The following NOS1 variants were observed in gnomAD, a reference collection of about 807,000 sequenced individuals.
The protein encoded by NOS1 is NOS type I.
A neutral mutation model predicts 164.5 loss-of-function variants in NOS1; 51 were observed. The observed-to-expected ratio is 0.31, with a 90% CI of 0.25 to 0.39. NOS1 has a LOEUF of 0.39. Ranked by LOEUF, NOS1 falls within the 10% of genes least tolerant of loss-of-function variation. The pLI is 1.00. For missense variants in NOS1, 1,362 were observed against 1,885.6 expected (o/e 0.72, Z 5.14); for synonymous variants, 719 against 745.8 (o/e 0.96, Z 0.59).
At chr12:117,252,194 T>C (rs1176060612) in intron 17 of NOS1, among the ~76,000 whole-genome samples, 1 of 152,240 alleles carries the variant, frequency 6.6e-6, no homozygotes, top group Admixed American at 6.5e-5. Context: ...TAATAACAAT[T>C]AAGCATACTT....
In NOS1 at chr12:117,213,440, A is replaced by C. The variant is rs536492322; in HGVS notation, c.*1869T>G. The C allele has an allele frequency of 3.8e-5, 37 of 985,522 alleles. No individual in the cohort carries two copies. The African/African-American group carries it at 5.6e-4, about 15-fold the overall frequency. 61.0% of individuals were successfully genotyped at this position (985,522 alleles called of 1,614,324 possible). On this transcript the variant is annotated 3_prime_UTR_variant, in exon 29 of 29. Transcript: ENST00000317775. Reference sequence around the variant, plus strand: ...GGGGAAATTGGGATTAAAGGAAGGCAGGGGAGATTATAGCTGGCATGAAGT... The same window carrying C: ...GGGGAAATTGGGATTAAAGGAAGGCCGGGGAGATTATAGCTGGCATGAAGT...
intron 22 of NOS1, among the ~76,000 whole-genome samples, chr12:117,228,295 T>C (rs1430851639): frequency 6.6e-6 from 1 of 152,130 alleles, no homozygotes; most frequent in Non-Finnish European, 1.5e-5. Context: ...GTGGTGATGC[T>C]GGGTGAAACT....
intron 3 of NOS1, among the ~76,000 whole-genome samples, chr12:117,304,292 A>G (rs1477361202): frequency 1.3e-5 from 2 of 152,182 alleles, no homozygotes; most frequent in Admixed American, 1.3e-4. Context: ...AGCCACAACC[A>G]TTCCCTTGCC....
chr12:117,266,652 C>T (rs1451728515), intron 11 of NOS1, among the ~76,000 whole-genome samples: 2 of 151,892 alleles, frequency 1.3e-5, no homozygotes, highest in African/African-American at 4.8e-5. Context: ...ATTCTCCTGC[C>T]TCAGCCTCCT....
intron 2 of NOS1, 69 bp from the exon 3 acceptor site, chr12:117,311,661 A>C: frequency 6.5e-7 from 1 of 1,542,922 alleles, no homozygotes; most frequent in South Asian, 1.3e-5. Context: ...TTTGACCTGG[A>C]AGTCCTGAGT....
At chr12:117,215,438 C>CTTTT in intron 28 of NOS1, 114 bp from the exon 29 acceptor site, 10 of 1,007,554 alleles carry the variant, frequency 9.9e-6, no homozygotes, top group African/African-American at 1.7e-5. Flanking sequence ...TTGTCTCTTT[C>CTTTT]TTTTTTTTTT....
intron 3 of NOS1, among the ~76,000 whole-genome samples, chr12:117,299,644 AAAAAAG>A (rs1305576151): frequency 2.8e-5 from 4 of 143,814 alleles, no homozygotes; most frequent in African/African-American, 8.1e-5. Context: ...CCAAAAAAAA[AAAAAAG>A]AAAAAAAGAA....
chr12:117,232,419 G>A (rs981666861), intron 21 of NOS1, among the ~76,000 whole-genome samples: 1 of 152,076 alleles, frequency 6.6e-6, no homozygotes, highest in African/African-American at 2.4e-5. Context: ...TATACAATGA[G>A]CCCCCAGCTG....
chr12:117,359,945 T>C (rs1877058145), intron 1 of NOS1, among the ~76,000 whole-genome samples: 1 of 106,472 alleles, frequency 9.4e-6, no homozygotes, highest in South Asian at 3.6e-4. Flanking sequence ...TCAGCAACAC[T>C]TCCTGCGTTA....
chr12:117,275,364 G>T (rs1873097474), intron 9 of NOS1, among the ~76,000 whole-genome samples: 1 of 152,024 alleles, frequency 6.6e-6, no homozygotes. Context: ...AGATAGAACT[G>T]GAGGACGTTA....
At chr12:117,345,632 C>A (rs1876313163) in intron 1 of NOS1, among the ~76,000 whole-genome samples, 1 of 152,150 alleles carries the variant, frequency 6.6e-6, no homozygotes, top group Non-Finnish European at 1.5e-5. Context: ...AATAAAAAAT[C>A]AAATAAAAAT....
rs936688007 is a variant in NOS1, at chr12:117,214,279, G to C, written c.*1030C>G. The C allele has an allele frequency of 1.0e-6, 1 of 985,336 alleles. No homozygotes were observed. The highest frequency in any genetic ancestry group is 1.7e-5 in the African/African-American group (1 of 57,316). 61.0% of individuals were successfully genotyped at this position (985,336 alleles called of 1,614,324 possible). On this transcript the variant is annotated 3_prime_UTR_variant, in exon 29 of 29. Coordinates refer to ENST00000317775, the MANE Select transcript of NOS1 (RefSeq NM_000620.5). ...CATTTAATCCATTCATATTCTTTAG[G>C]TTCGTATGACATTATGACTAGGAAA... is the stretch of plus-strand genomic sequence containing the variant.
chr12:117,211,805 C>T lies in NOS1; in HGVS notation c.*3504G>A, dbSNP rs558517724. 3.0e-6 allele frequency: 3 copies of T among 985,286 alleles called. No homozygotes were observed. The highest frequency in any genetic ancestry group is 3.6e-6 in the Non-Finnish European group (3 of 829,834). 61.0% of individuals were successfully genotyped at this position (985,286 alleles called of 1,614,324 possible). On this transcript the variant is annotated 3_prime_UTR_variant, in exon 29 of 29. Coordinates refer to ENST00000317775, the MANE Select transcript of NOS1 (RefSeq NM_000620.5). ...CTTTGGCTGGGCGTGGTGGCTCATG[C>T]CTGTAATCCAGCACTTTGGGAGGCT...
At chr12:117,270,781 A>G (rs1360206951) in intron 10 of NOS1, among the ~76,000 whole-genome samples, 2 of 152,090 alleles carry the variant, frequency 1.3e-5, no homozygotes, top group Non-Finnish European at 2.9e-5. Context: ...CACCCCTGTA[A>G]TCCCAGCACT....
At chr12:117,283,341 C>T (rs948307617) in intron 7 of NOS1, among the ~76,000 whole-genome samples, 1 of 152,152 alleles carries the variant, frequency 6.6e-6, no homozygotes, top group Non-Finnish European at 1.5e-5. Context: ...GGATTTCGGG[C>T]GTGAGCCACA....
At chr12:117,316,339 T>G (rs960931617) in intron 2 of NOS1, among the ~76,000 whole-genome samples, 1 of 152,038 alleles carries the variant, frequency 6.6e-6, no homozygotes, top group Non-Finnish European at 1.5e-5. Flanking sequence ...CTACTACCCT[T>G]CCAGACTCCT....
chr12:117,282,556 A>T (rs1873758067), intron 7 of NOS1, among the ~76,000 whole-genome samples: 1 of 152,126 alleles, frequency 6.6e-6, no homozygotes, highest in South Asian at 2.1e-4. Context: ...CTTCTTTCTG[A>T]GCACGGTTTT....
chr12:117,247,362 T>C lies in NOS1; in HGVS notation c.2809A>G (p.Lys937Glu). ...GQEEAFRTWA[K>E]KVFKAACDVF... ...ATCCAGATTACCTTGAAGACCTTCT[T>C]GGCCCAGGTCCTGAAAGCCTCTTCC... The change falls in exon 18 of 29, where the codon AAG becomes GAG. Residue 937 changes from lysine (K) to glutamate (E), a missense_variant. Lys to Glu is a moderately conservative substitution (Grantham distance 56, BLOSUM62 1). This residue lies in a region of NOS1 where 737 missense variants were observed against 1,030.3 expected (regional missense o/e 0.72). Transcript: ENST00000317775. The C allele has an allele frequency of 6.2e-7, 1 of 1,602,400 alleles. No individual in the cohort carries two copies. The highest frequency in any genetic ancestry group is 8.5e-7 in the Non-Finnish European group (1 of 1,175,086).
Position 117,218,127 on chromosome 12 carries a change from G to GT in NOS1, c.4207dup (p.Thr1403AsnfsTer12). On this transcript the variant is annotated frameshift_variant, in exon 28 of 29. Transcript: ENST00000317775. LOFTEE classifies it high-confidence loss of function. ...GTTGGTCACTTCGTACGTTCGCAGGGTGACTCCAAAAATATCCTCATGGTA... is the reference window on the plus strand; with the variant it reads ...GTTGGTCACTTCGTACGTTCGCAGGGTTGACTCCAAAAATATCCTCATGGTA... 6.2e-7 allele frequency: 1 copy of GT among 1,614,086 alleles called. No homozygotes were observed. The highest frequency in any genetic ancestry group is 8.5e-7 in the Non-Finnish European group (1 of 1,180,002).
Sources: gnomAD v4.1 joint callset for allele counts (sites outside exome capture counted in the v4.1 genomes callset) on GRCh38, gnomAD v4.1.1 for gene constraint, gnomAD v4.1.1 regional missense constraint, MANE v1.5 for transcripts, NCBI Gene and HGNC (gene_info 2026-07-23, HGNC 2026-07-21) for gene names.